Variants in BRD10 observed in about 807,000 individuals in gnomAD.
BRD10 encodes the protein bromodomain containing 10.
the BRD10 span, among the ~76,000 whole-genome samples, chr9:5,906,415 T>C: frequency 6.6e-6 from 1 of 152,218 alleles, no homozygotes; most frequent in African/African-American, 2.4e-5. Context: ...TCTTCCTTTA[T>C]GTAGGTACAA....
chr9:5,879,581 G>A, the BRD10 span, among the ~76,000 whole-genome samples: 24 of 152,160 alleles, frequency 1.6e-4, no homozygotes, highest in South Asian at 4.4e-3. Flanking sequence ...CTTGATGACC[G>A]CCCACACTGG....
the BRD10 span, among the ~76,000 whole-genome samples, chr9:5,907,885 G>A: frequency 4.6e-5 from 7 of 152,300 alleles, no homozygotes; most frequent in African/African-American, 1.7e-4. Context: ...CCCGGGAGGT[G>A]GAGGTTGCAG....
At chr9:5,986,700 C>G in the BRD10 span, among the ~76,000 whole-genome samples, 1 of 152,132 alleles carries the variant, frequency 6.6e-6, no homozygotes, top group Admixed American at 6.5e-5. Flanking sequence ...TAGCTTAATT[C>G]ATATAACTCC....
chr9:6,005,419 C>T, the BRD10 span, among the ~76,000 whole-genome samples: 1 of 152,182 alleles, frequency 6.6e-6, no homozygotes, highest in African/African-American at 2.4e-5. Context: ...GCACGAGTAT[C>T]GCTTGAACCC....
the BRD10 span, chr9:6,008,338 CAGTT>C: frequency 2.5e-5 from 25 of 984,684 alleles, no homozygotes; most frequent in South Asian, 4.7e-5. Flanking sequence ...CGACAACTGT[CAGTT>C]AGAAGCCCCG....
At chr9:5,975,439 CAAAAAAAAAAA>C in the BRD10 span, among the ~76,000 whole-genome samples, 6 of 61,222 alleles carry the variant, frequency 9.8e-5, no homozygotes, top group African/African-American at 3.5e-4. Flanking sequence ...AACTCCATCT[CAAAAAAAAAAA>C]AAAAAAAAAA....
the BRD10 span, among the ~76,000 whole-genome samples, chr9:5,916,862 C>CAG: frequency 6.6e-6 from 1 of 152,136 alleles, no homozygotes; most frequent in African/African-American, 2.4e-5. Context: ...ACGCCCTTTA[C>CAG]AGAACCCTTA....
chr9:5,990,232 T>C, the BRD10 span, among the ~76,000 whole-genome samples: 6 of 152,232 alleles, frequency 3.9e-5, no homozygotes, highest in South Asian at 2.1e-4. Context: ...CAACAACAGA[T>C]ACTGAATGGG....
chr9:5,969,828 G>C, the BRD10 span, among the ~76,000 whole-genome samples: 1 of 152,180 alleles, frequency 6.6e-6, no homozygotes, highest in Non-Finnish European at 1.5e-5. Context: ...TTACAGGCAT[G>C]AGCTACTGTG....
At chr9:5,972,340 A>C in the BRD10 span, among the ~76,000 whole-genome samples, 1 of 152,236 alleles carries the variant, frequency 6.6e-6, no homozygotes, top group South Asian at 2.1e-4. Flanking sequence ...TTTGAATACG[A>C]ATTAAAAAGA....
the BRD10 span, chr9:5,922,991 C>T: frequency 6.2e-7 from 1 of 1,613,784 alleles, no homozygotes; most frequent in African/African-American, 1.3e-5. Context: ...GGGTTTGGTC[C>T]CTTTCTGGAG....
the BRD10 span, chr9:5,920,613 T>C: frequency 2.5e-6 from 4 of 1,614,002 alleles, no homozygotes; most frequent in Non-Finnish European, 3.4e-6. Flanking sequence ...GGCACTGTAG[T>C]TGAAATCCCT....
chr9:5,979,831 C>T, the BRD10 span, among the ~76,000 whole-genome samples: 7 of 151,912 alleles, frequency 4.6e-5, no homozygotes, highest in African/African-American at 1.7e-4. Flanking sequence ...GCCTGGGCAA[C>T]ATGGTGAAAT....
At chr9:5,993,062 T>C in the BRD10 span, among the ~76,000 whole-genome samples, 6 of 152,126 alleles carry the variant, frequency 3.9e-5, no homozygotes, top group Admixed American at 6.5e-5. Context: ...ATGCCTGTAA[T>C]CCCAGCACTT....
At chr9:5,947,270 G>A in the BRD10 span, among the ~76,000 whole-genome samples, 1 of 152,092 alleles carries the variant, frequency 6.6e-6, no homozygotes, top group Non-Finnish European at 1.5e-5. Flanking sequence ...TAGTAGGTCT[G>A]AGGTGAGACC....
chr9:5,990,310 C>T, the BRD10 span, among the ~76,000 whole-genome samples: 2 of 152,178 alleles, frequency 1.3e-5, no homozygotes. Context: ...ATTTTAACTA[C>T]TTCTTCAATA....
chr9:5,892,349 G>T, the BRD10 span: 1 of 707,186 alleles, frequency 1.4e-6, no homozygotes, highest in East Asian at 2.9e-5. Context: ...CCTGGCTATG[G>T]ATATTGGTCA....
the BRD10 span, among the ~76,000 whole-genome samples, chr9:5,986,378 G>A: frequency 1.5e-3 from 231 of 152,288 alleles, no homozygotes; most frequent in African/African-American, 5.0e-3. Context: ...TATCATTGCT[G>A]AGCATTTGGG....
chr9:5,952,780 A>C, the BRD10 span, among the ~76,000 whole-genome samples: 2 of 152,222 alleles, frequency 1.3e-5, no homozygotes, highest in Non-Finnish European at 2.9e-5. Context: ...TAGTAAACAC[A>C]GGTGTGACAG....
Sources: allele counts gnomAD v4.1 joint callset (sites outside exome capture counted in the v4.1 genomes callset), GRCh38; gene constraint gnomAD v4.1.1; transcripts MANE v1.5; gene names NCBI Gene and HGNC (gene_info 2026-07-23, HGNC 2026-07-21).